The following LRRC74A variants were observed in gnomAD, a reference collection of about 807,000 sequenced individuals.
LRRC74A encodes the protein leucine-rich repeat-containing protein 74A.
Under a neutral mutation model 57.9 loss-of-function variants are expected in LRRC74A, and 44 were observed. The ratio of observed to expected loss-of-function variants is 0.76; its 90% CI spans 0.60 to 0.98. The LOEUF (loss-of-function observed/expected upper bound fraction) is 0.98, where lower values mean the gene tolerates loss of function less well. LRRC74A is among the 50% of genes least tolerant of loss of function. The pLI is 0.00. For missense variants in LRRC74A, 572 were observed against 574.0 expected, an observed-to-expected ratio of 1.00 and a Z score of 0.04; for synonymous variants, 211 against 219.4, an observed-to-expected ratio of 0.96 and a Z score of 0.34.
At position 76,831,264 on chromosome 14, in the gene LRRC74A, G is replaced by A. The variant is rs1209687054; in HGVS notation, c.228G>A (p.Met76Ile). 1.2e-6 allele frequency: 2 copies of A among 1,613,930 alleles called. No homozygotes were observed. The highest frequency in any genetic ancestry group is 1.7e-6 in the Non-Finnish European group (2 of 1,179,894). ...KELYLEACKLMGVVPVSYFIR... is the reference protein window; with the variant it reads ...KELYLEACKLIGVVPVSYFIR... Reference sequence around the variant, plus strand: ...TGTACCTGGAGGCCTGCAAGCTGATGGGTGTAGTGCCTGTCTCCTACTTCA... The same window carrying A: ...TGTACCTGGAGGCCTGCAAGCTGATAGGTGTAGTGCCTGTCTCCTACTTCA... Residue 76 changes from methionine (M) to isoleucine (I), a missense_variant, in exon 3 of 14, where the codon ATG (methionine) becomes ATA (isoleucine). Transcript: ENST00000689127.
intron 13 of LRRC74A, among the ~76,000 whole-genome samples, chr14:76,867,721 G>A (rs1277167042): frequency 6.6e-6 from 1 of 152,126 alleles, no homozygotes; most frequent in African/African-American, 2.4e-5. Flanking sequence ...CAGGAGGAGG[G>A]CAGGCAAGGG....
intron 12 of LRRC74A, among the ~76,000 whole-genome samples, 192 bp from the exon 13 acceptor site, chr14:76,867,164 G>GGTGTGTGTGTTGGGGGGTGGGGTGTGT (rs376880369): frequency 3.0e-4 from 1 of 3,286 alleles, no homozygotes; most frequent in African/African-American, 7.8e-4. Flanking sequence ...TTGGGGGTGG[G>GGTGTGTGTGTTGGGGGGTGGGGTGTGT]GTGTGTGGTA....
intron 1 of LRRC74A, among the ~76,000 whole-genome samples, chr14:76,827,272 T>C (rs1895641988): frequency 6.6e-6 from 1 of 152,162 alleles, no homozygotes; most frequent in Non-Finnish European, 1.5e-5. Flanking sequence ...CCAGACAGTC[T>C]GGGAGATAAA....
At position 76,857,475 on chromosome 14, in the gene LRRC74A, C is replaced by T. The variant is rs201993356; in HGVS notation, c.1053C>T (p.Ser351=). 110 of 1,566,184 alleles carry T rather than the reference C, an allele frequency of 7.0e-5. 2 individuals carry two copies. In the African/African-American group the frequency reaches 1.1e-3, roughly 15 times the overall value. Residue 351 remains serine (S), a splice_region_variant and synonymous_variant, in exon 10 of 14, where the codon TCC becomes TCT. Coordinates refer to ENST00000689127, the MANE Select transcript of LRRC74A (RefSeq NM_001385106.1). ...CCAGGATGGAAGAGCTTGATATTTC[C>T]GTAAGTGATCAAATGGTAGTTGCTT... ...PKSRMEELDI[S]NVLVSEQFMK...
intron 7 of LRRC74A, among the ~76,000 whole-genome samples, chr14:76,846,693 G>C (rs544859289): frequency 1.2e-3 from 186 of 152,300 alleles, no homozygotes; most frequent in South Asian, 2.3e-3. Flanking sequence ...GAGAGAGATA[G>C]ACTCATGGTC....
At chr14:76,833,436 C>CTTTTTT (rs61149051) in intron 3 of LRRC74A, among the ~76,000 whole-genome samples, 1 of 69,014 alleles carries the variant, frequency 1.4e-5, no homozygotes, top group African/African-American at 5.4e-5. Flanking sequence ...ATTCACATCA[C>CTTTTTT]TTTTTTTTTT....
rs375545672 is a variant in LRRC74A at position 76,867,411 on chromosome 14, A to G, written c.1364A>G (p.Asp455Gly). 1.9e-6 allele frequency: 3 copies of G among 1,601,736 alleles called. No homozygotes were observed. Among genetic ancestry groups the G allele is most frequent in the Non-Finnish European group, 2.6e-6 (3 of 1,169,972 alleles). ...GTCAGGGAGGTGATAAAGAAGCTCGATGAGAAGACAGGCATGGTGAACTTC... is the reference window on the plus strand; with the variant it reads ...GTCAGGGAGGTGATAAAGAAGCTCGGTGAGAAGACAGGCATGGTGAACTTC... ...YQVREVIKKLDEKTGMVNFSF... is the reference protein window; with the variant it reads ...YQVREVIKKLGEKTGMVNFSF... The change falls in exon 13 of 14, where the codon GAT becomes GGT. Residue 455 changes from aspartate (D) to glycine (G), a missense_variant. Coordinates refer to ENST00000689127, the MANE Select transcript of LRRC74A (RefSeq NM_001385106.1).
chr14:76,864,415 G>T (rs867737007), intron 11 of LRRC74A, among the ~76,000 whole-genome samples: 8 of 126,926 alleles, frequency 6.3e-5, no homozygotes, highest in Admixed American at 2.3e-4. Flanking sequence ...GAGGAAGGGG[G>T]GGGGGGGGTG....
At position 76,861,534 on chromosome 14, in the gene LRRC74A, G is replaced by A. The variant is rs188455592; in HGVS notation, c.1200+695G>A. 2.3e-4 allele frequency among the ~76,000 whole-genome samples: 35 copies of A among 151,468 alleles called. No individual in the cohort carries two copies. In the Middle Eastern group the frequency reaches 0.014, roughly 60 times the overall value. ...CTTGTGGTCAGGATGGCTATTTGGC[G>A]GGTTCAGCCAAAGAGAAACACTCGA... On this transcript the variant is annotated intron_variant, in intron 11 of 13. Transcript: ENST00000689127.
At position 76,870,178 on chromosome 14, in the gene LRRC74A, G is replaced by A. The variant is rs76880359; in HGVS notation, c.*29G>A. 0.02 allele frequency: 32,304 copies of A among 1,604,356 alleles called. 2,864 individuals carry two copies. The East Asian group carries it at 0.31, about 16-fold the overall frequency. On this transcript the variant is annotated 3_prime_UTR_variant, in exon 14 of 14. Transcript: ENST00000689127. ...CAAGTCTGGTCTAGAAAGAAGTCTC[G>A]GCGAGAGGAGTCCTCGCAAGTCGGA... is the stretch of plus-strand genomic sequence containing the variant.
chr14:76,862,233 A>T (rs1479306727), intron 11 of LRRC74A, among the ~76,000 whole-genome samples: 4 of 152,172 alleles, frequency 2.6e-5, no homozygotes, highest in African/African-American at 9.7e-5. Flanking sequence ...CCCACAGAAC[A>T]TAGAAAGTTT....
In LRRC74A at chr14:76,837,945, C is replaced by T. The variant is rs2140269448; in HGVS notation, c.518C>T (p.Ser173Phe). The change falls in exon 5 of 14, where the codon TCT becomes TTT. Residue 173 changes from serine to phenylalanine, a missense_variant. Coordinates refer to ENST00000689127, the MANE Select transcript of LRRC74A (RefSeq NM_001385106.1). The part of the protein sequence containing the change: ...IISDFFERNS[S>F]SIWSLELSGN... The stretch of plus-strand genomic sequence containing the variant: ...TCAGATTTCTTTGAGAGAAACAGTT[C>T]TTCTATCTGGAGCCTTGAGCTTTCA... The T allele has an allele frequency of 6.3e-7, 1 of 1,581,232 alleles. No homozygotes were observed. The highest frequency in any genetic ancestry group is 1.2e-5 in the South Asian group (1 of 86,330).
intron 3 of LRRC74A, among the ~76,000 whole-genome samples, chr14:76,832,610 G>T (rs1026612479): frequency 6.6e-6 from 1 of 152,114 alleles, no homozygotes; most frequent in Non-Finnish European, 1.5e-5. Context: ...ACCTGGCCTG[G>T]CCAACAGTTT....
At chr14:76,836,083 G>C in intron 3 of LRRC74A, 124 bp from the exon 4 acceptor site, 1 of 694,784 alleles carries the variant, frequency 1.4e-6, no homozygotes, top group Non-Finnish European at 2.5e-6. Context: ...GCCCTTGCCA[G>C]GCCTTCAGAA....
chr14:76,835,187 T>C (rs145258316), intron 3 of LRRC74A, among the ~76,000 whole-genome samples: 289 of 152,210 alleles, frequency 1.9e-3, no homozygotes, highest in African/African-American at 6.5e-3. Flanking sequence ...CTCTCTCCTC[T>C]TGCCCCTCAT....
chr14:76,851,653 T>A (rs1897499607), intron 7 of LRRC74A, among the ~76,000 whole-genome samples: 1 of 149,924 alleles, frequency 6.7e-6, no homozygotes, highest in Non-Finnish European at 1.5e-5. Context: ...CCACCGTGCC[T>A]GGCCAAATAA....
chr14:76,838,159 T>G (rs976563870), intron 5 of LRRC74A, among the ~76,000 whole-genome samples, 188 bp downstream of exon 5: 1 of 152,166 alleles, frequency 6.6e-6, no homozygotes, highest in African/African-American at 2.4e-5. Flanking sequence ...ATCATCCATA[T>G]CTGACATTAC....
Position 76,826,527 on chromosome 14 carries a change from T to C in LRRC74A, c.-171T>C. On this transcript the variant is annotated 5_prime_UTR_variant, in exon 1 of 14. Transcript: ENST00000689127. ...ATCCAATTCCCATCAAAGCCTACTC[T>C]TCCCAGGGCTTGCTGGGAGGGAAGG... The C allele has an allele frequency of 6.2e-7, 1 of 1,608,054 alleles. No homozygotes were observed. Among genetic ancestry groups the C allele is most frequent in the Non-Finnish European group, 8.5e-7 (1 of 1,177,280 alleles).
chr14:76,828,264 A>C, intron 1 of LRRC74A, 27 bp from the exon 2 acceptor site: 1 of 1,568,092 alleles, frequency 6.4e-7, no homozygotes, highest in South Asian at 1.2e-5. Flanking sequence ...TATTCCTGGC[A>C]TCAAGGAGAT....
Sources: allele counts gnomAD v4.1 joint callset (sites outside exome capture counted in the v4.1 genomes callset), GRCh38; gene constraint gnomAD v4.1.1; transcripts MANE v1.5; gene names NCBI Gene and HGNC (gene_info 2026-07-23, HGNC 2026-07-21).